The following ANKRD30BL variants were observed in gnomAD, a reference collection of about 807,000 sequenced individuals.
ANKRD30BL encodes the protein ankyrin repeat domain 30B like.
A neutral mutation model predicts 18.4 loss-of-function variants in ANKRD30BL; 20 were observed. The ratio of observed to expected loss-of-function variants is 1.09; its 90% confidence interval spans 0.77 to 1.58. ANKRD30BL has a LOEUF of 1.58. Among genes scored for constraint, ANKRD30BL ranks in the 40% most tolerant of loss-of-function variants. ANKRD30BL has a pLI of 0.00. For missense variants in ANKRD30BL, 224 were observed against 268.6 expected (o/e 0.83, Z 1.16); for synonymous variants, 72 against 100.9 (o/e 0.71, Z 1.72).
chr2:132,173,955 C>A (rs1196853161), intron 1 of ANKRD30BL, among the ~76,000 whole-genome samples: 2 of 152,142 alleles, frequency 1.3e-5, no homozygotes, highest in Non-Finnish European at 2.9e-5. Flanking sequence ...GTTGGTGGGT[C>A]AGAACTGTAC....
At chr2:132,203,396 A>G (rs1679147487) in intron 1 of ANKRD30BL, among the ~76,000 whole-genome samples, 1 of 152,234 alleles carries the variant, frequency 6.6e-6, no homozygotes, top group Admixed American at 6.5e-5. Flanking sequence ...AAGCTTGTTC[A>G]TTTCTGAGAT....
At chr2:132,162,479 T>A (rs1269483839), upstream of ANKRD30BL, among the ~76,000 whole-genome samples, 2 of 152,158 alleles carry the variant, frequency 1.3e-5, no homozygotes, top group African/African-American at 4.8e-5. Context: ...CAGCGCAGGC[T>A]TGCCACCACT....
intron 1 of ANKRD30BL, among the ~76,000 whole-genome samples, chr2:132,227,411 A>C (rs548037205): frequency 1.3e-5 from 2 of 152,052 alleles, no homozygotes; most frequent in Non-Finnish European, 2.9e-5. Context: ...ATTCTCAGAA[A>C]CTTCTTTTTG....
intron 1 of ANKRD30BL, among the ~76,000 whole-genome samples, chr2:132,242,244 G>A (rs1192433538): frequency 6.6e-6 from 1 of 150,684 alleles, no homozygotes; most frequent in African/African-American, 2.4e-5. Context: ...TACTTTGTGA[G>A]GTTTGCATTC....
chr2:132,210,040 T>C (rs1176839074), intron 1 of ANKRD30BL, among the ~76,000 whole-genome samples: 4 of 152,086 alleles, frequency 2.6e-5, no homozygotes, highest in African/African-American at 9.7e-5. Context: ...AATTAAAAAC[T>C]AGACAGAAAC....
At chr2:132,255,091 T>C (rs1159708137) in intron 1 of ANKRD30BL, among the ~76,000 whole-genome samples, 2 of 152,172 alleles carry the variant, frequency 1.3e-5, no homozygotes, top group African/African-American at 2.4e-5. Flanking sequence ...CAGCGGGTCA[T>C]GGGAATAACA....
rs184134729 is a variant in ANKRD30BL, at chr2:132,210,336, C to T, written n.441+47193G>A. Among the ~76,000 whole-genome samples the T allele has an allele frequency of 2.3e-3, 349 of 150,834 alleles. 1 individual carries two copies. The highest frequency in any genetic ancestry group is 7.8e-3 in the African/African-American group (323 of 41,196). On this transcript the variant is annotated intron_variant and non_coding_transcript_variant, in intron 1 of 4. Coordinates refer to the ANKRD30BL transcript ENST00000470729. The stretch of plus-strand genomic sequence containing the variant: ...AGAATCTGCAAGTGGATATTTGGAG[C>T]GCTTTGCGGCCAATGGTGGTAAAAG...
chr2:132,172,563 A>C (rs1488952952), intron 1 of ANKRD30BL, among the ~76,000 whole-genome samples: 2 of 152,174 alleles, frequency 1.3e-5, no homozygotes, highest in Admixed American at 6.5e-5. Context: ...CTATTTAAAA[A>C]ATTGAACCAT....
chr2:132,232,579 G>A (rs145149849), intron 1 of ANKRD30BL, among the ~76,000 whole-genome samples: 3,952 of 152,186 alleles, frequency 0.026, 156 homozygotes, highest in African/African-American at 0.091. Context: ...GGAAAAAAGG[G>A]TATCAGCAAT....
chr2:132,159,804 GGT>G (rs1332322792), intron 1 of ANKRD30BL, among the ~76,000 whole-genome samples: 1 of 152,048 alleles, frequency 6.6e-6, no homozygotes, highest in Non-Finnish European at 1.5e-5. Context: ...TTCTTAGAAA[GGT>G]GTTGTCAACA....
At chr2:132,247,297 C>T (rs1230309678) in intron 1 of ANKRD30BL, among the ~76,000 whole-genome samples, 1 of 151,486 alleles carries the variant, frequency 6.6e-6, no homozygotes, top group African/African-American at 2.4e-5. Context: ...CGCTTTGAGG[C>T]CTATGGTCAA....
intron 1 of ANKRD30BL, among the ~76,000 whole-genome samples, chr2:132,179,058 G>A (rs1688412846): frequency 6.6e-6 from 1 of 151,614 alleles, no homozygotes; most frequent in South Asian, 2.1e-4. Flanking sequence ...CCACATATTG[G>A]TCCTGTAGGA....
chr2:132,233,672 C>A (rs1680079779), intron 1 of ANKRD30BL, among the ~76,000 whole-genome samples: 1 of 149,838 alleles, frequency 6.7e-6, no homozygotes, highest in African/African-American at 2.5e-5. Flanking sequence ...ACAGGAGCAC[C>A]CAGATTCATA....
intron 4 of ANKRD30BL, chr2:132,153,429 T>C (rs1201299475): frequency 9.6e-6 from 4 of 416,754 alleles, no homozygotes; most frequent in Non-Finnish European, 1.9e-5. Flanking sequence ...CCTGGAGCCA[T>C]TAATCCTTCT....
At chr2:132,254,264 C>A (rs1485680835) in intron 1 of ANKRD30BL, among the ~76,000 whole-genome samples, 1 of 152,174 alleles carries the variant, frequency 6.6e-6, no homozygotes, top group Admixed American at 6.5e-5. Context: ...GGCACGACTC[C>A]GCCCATGCAT....
chr2:132,177,915 G>GT (rs1435062926), intron 1 of ANKRD30BL, among the ~76,000 whole-genome samples: 5 of 151,892 alleles, frequency 3.3e-5, no homozygotes, highest in Admixed American at 2.0e-4. Flanking sequence ...TTTTTTGTTT[G>GT]TTTTTTACAG....
intron 1 of ANKRD30BL, among the ~76,000 whole-genome samples, chr2:132,238,722 C>T (rs1680231486): frequency 6.6e-6 from 1 of 151,698 alleles, no homozygotes. Context: ...TTGAAACACT[C>T]ATTTTTTAAA....
At chr2:132,162,829 C>G (rs6705411), upstream of ANKRD30BL, among the ~76,000 whole-genome samples, 30,075 of 151,358 alleles carry the variant, frequency 0.2, 3,098 homozygotes, top group African/African-American at 0.32. Flanking sequence ...GGCTGAGCAG[C>G]AGGTTCAGCG....
At chr2:132,256,668 T>G (rs1173108491) in intron 1 of ANKRD30BL, among the ~76,000 whole-genome samples, 2 of 152,188 alleles carry the variant, frequency 1.3e-5, no homozygotes, top group Admixed American at 6.5e-5. Flanking sequence ...CCCTCTTCCC[T>G]GCACACACTG....
Sources: allele counts gnomAD v4.1 joint callset (sites outside exome capture counted in the v4.1 genomes callset), GRCh38; gene constraint gnomAD v4.1.1; transcripts MANE v1.5; gene names NCBI Gene and HGNC (gene_info 2026-07-23, HGNC 2026-07-21).